ASIC2: variants seen among roughly 807,000 people sequenced by gnomAD.
ASIC2 encodes acid-sensing ion channel 2.
A neutral mutation model predicts 57.3 loss-of-function variants in ASIC2; 25 were observed. The observed-to-expected ratio is 0.44, with a 90% CI of 0.32 to 0.61. The LOEUF is 0.61. ASIC2 is among the 20% of genes least tolerant of loss of function. The pLI, the probability that ASIC2 is intolerant of heterozygous loss-of-function variation, is 0.06. For missense variants in ASIC2, 641 were observed against 738.1 expected (o/e 0.87, Z 1.52); for synonymous variants, 319 against 307.5 (o/e 1.04, Z -0.39).
intron 1 of ASIC2, among the ~76,000 whole-genome samples, chr17:33,951,451 T>C (rs1010219832): frequency 6.6e-6 from 1 of 152,238 alleles, no homozygotes; most frequent in African/African-American, 2.4e-5. Flanking sequence ...CCCGTTCCTT[T>C]ATGCTCTGTG....
At chr17:33,521,029 GAAT>G (rs1379196469) in intron 1 of ASIC2, among the ~76,000 whole-genome samples, 3 of 152,042 alleles carry the variant, frequency 2.0e-5, no homozygotes, top group African/African-American at 4.8e-5. Flanking sequence ...CCAGGAGTCT[GAAT>G]AATAATAATT....
intron 9 of ASIC2, among the ~76,000 whole-genome samples, chr17:33,014,340 C>T (rs2091794692): frequency 6.6e-6 from 1 of 152,126 alleles, no homozygotes; most frequent in Non-Finnish European, 1.5e-5. Context: ...CCTCATGTAA[C>T]TGGACCTATA....
At chr17:33,490,422 G>A (rs892550547) in intron 1 of ASIC2, among the ~76,000 whole-genome samples, 2 of 152,204 alleles carry the variant, frequency 1.3e-5, no homozygotes, top group Admixed American at 1.3e-4. Flanking sequence ...GAAGATTGAC[G>A]TGGTTTGGCT....
chr17:34,055,018 T>C (rs1035446033), intron 1 of ASIC2, among the ~76,000 whole-genome samples: 2 of 152,058 alleles, frequency 1.3e-5, no homozygotes, highest in African/African-American at 4.8e-5. Context: ...GGCCCTGCAT[T>C]TGGAAAAATC....
intron 1 of ASIC2, among the ~76,000 whole-genome samples, chr17:33,603,827 G>GA (rs1905165294): frequency 6.6e-6 from 1 of 152,254 alleles, no homozygotes; most frequent in South Asian, 2.1e-4. Context: ...ACTGAAGGCA[G>GA]AAGGAGTGGA....
chr17:33,633,773 G>A (rs978247550), intron 1 of ASIC2, among the ~76,000 whole-genome samples: 2 of 152,130 alleles, frequency 1.3e-5, no homozygotes, highest in African/African-American at 2.4e-5. Context: ...GGAAAGGGTC[G>A]GTGGCAGTTC....
intron 1 of ASIC2, among the ~76,000 whole-genome samples, chr17:33,406,957 T>C (rs574742356): frequency 3.9e-5 from 6 of 152,306 alleles, no homozygotes; most frequent in African/African-American, 1.4e-4. Flanking sequence ...AAGTGAAACA[T>C]TGTGGAAAGA....
At chr17:33,466,328 A>G (rs1021364611) in intron 1 of ASIC2, among the ~76,000 whole-genome samples, 1 of 152,220 alleles carries the variant, frequency 6.6e-6, no homozygotes, top group African/African-American at 2.4e-5. Context: ...CCACTGCTCA[A>G]CGAAATAAAA....
chr17:33,059,566 AC>A (rs1223742492), intron 3 of ASIC2, among the ~76,000 whole-genome samples: 14 of 152,192 alleles, frequency 9.2e-5, no homozygotes, highest in African/African-American at 3.4e-4. Context: ...TCATTGATGG[AC>A]ATTTGGAATG....
intron 1 of ASIC2, among the ~76,000 whole-genome samples, chr17:33,595,746 AAAATT>A (rs1904960777): frequency 6.6e-6 from 1 of 152,346 alleles, no homozygotes; most frequent in Admixed American, 6.5e-5. Flanking sequence ...GGGGGTTGTG[AAAATT>A]AAATTAAATA....
At position 33,911,981 on chromosome 17, in the gene ASIC2, A is replaced by C. The variant is rs1366669556; in HGVS notation, c.555+243997T>G. On this transcript the variant is annotated intron_variant, in intron 1 of 9. Coordinates refer to the ASIC2 transcript ENST00000359872. ...TGTGAAGAAACCCCGTGTCTACTAA[A>C]AATACAAAATTAGTGGGGCGTGGTG... is the stretch of plus-strand genomic sequence containing the variant. Among the ~76,000 whole-genome samples, 5 of 151,570 alleles carry C rather than the reference A, an allele frequency of 3.3e-5. 1 individual carries two copies. The highest frequency in any genetic ancestry group is 7.4e-5 in the Non-Finnish European group (5 of 67,922).
intron 1 of ASIC2, among the ~76,000 whole-genome samples, chr17:33,186,206 G>C (rs1257126971): frequency 2.0e-5 from 3 of 152,084 alleles, no homozygotes; most frequent in Non-Finnish European, 4.4e-5. Context: ...CATCTCCAGA[G>C]TTCAAGTGAT....
At chr17:33,656,617 C>A (rs559460290) in intron 1 of ASIC2, among the ~76,000 whole-genome samples, 17 of 152,260 alleles carry the variant, frequency 1.1e-4, no homozygotes, top group Admixed American at 1.0e-3. Flanking sequence ...GCTCTCTATT[C>A]CTTCTTCAAG....
intron 1 of ASIC2, among the ~76,000 whole-genome samples, chr17:33,582,149 G>T (rs1904464733): frequency 6.6e-6 from 1 of 152,180 alleles, no homozygotes; most frequent in Admixed American, 6.5e-5. Flanking sequence ...TTGGCAATTT[G>T]TTACAACAGC....
chr17:33,132,998 A>C (rs2092353529), intron 1 of ASIC2, among the ~76,000 whole-genome samples: 1 of 152,220 alleles, frequency 6.6e-6, no homozygotes, highest in Non-Finnish European at 1.5e-5. Context: ...TTCTACCCTC[A>C]AGGATTGTAT....
intron 1 of ASIC2, among the ~76,000 whole-genome samples, chr17:34,007,630 G>A (rs1314072885): frequency 6.6e-6 from 1 of 152,176 alleles, no homozygotes; most frequent in Non-Finnish European, 1.5e-5. Flanking sequence ...GCCAGAATGA[G>A]GTCCCAGGTC....
chr17:33,125,926 G>T (rs922913934), intron 1 of ASIC2, among the ~76,000 whole-genome samples: 8 of 152,114 alleles, frequency 5.3e-5, no homozygotes, highest in Admixed American at 4.6e-4. Context: ...GAAGACCTAG[G>T]GCATGAAATT....
chr17:33,526,643 GCCC>G (rs1357163374), intron 1 of ASIC2, among the ~76,000 whole-genome samples: 1,942 of 152,232 alleles, frequency 0.013, no homozygotes, highest in African/African-American at 0.045. Context: ...TGCCTTTGCT[GCCC>G]TCATCAGGCC....
At chr17:33,732,800 G>A (rs557828714) in intron 1 of ASIC2, among the ~76,000 whole-genome samples, 101 of 152,186 alleles carry the variant, frequency 6.6e-4, no homozygotes, top group African/African-American at 2.1e-3. Flanking sequence ...ACCAAGCCTG[G>A]CTAATATTTG....
Sources: gnomAD v4.1 joint callset for allele counts (sites outside exome capture counted in the v4.1 genomes callset) on GRCh38, gnomAD v4.1.1 for gene constraint, MANE v1.5 for transcripts, NCBI Gene and HGNC (gene_info 2026-07-23, HGNC 2026-07-21) for gene names.